ZMYM2: variants seen among roughly 807,000 people sequenced by gnomAD.
ZMYM2 encodes the protein zinc finger MYM-type protein 2.
Under a neutral mutation model 162.8 loss-of-function variants are expected in ZMYM2, and 56 were observed. That is an observed-to-expected ratio of 0.34 (90% confidence interval 0.28 to 0.43). The LOEUF is 0.43. ZMYM2 is among the 20% of genes least tolerant of loss of function. The probability of loss-of-function intolerance (pLI) is 1.00; values close to 1 mark genes in which losing one functional copy is unlikely to be tolerated. For synonymous variants in ZMYM2, 510 were observed against 541.6 expected (o/e 0.94, Z 0.81); for missense variants, 1,275 against 1,621.8 (o/e 0.79, Z 3.67).
the ZMYM2 span, among the ~76,000 whole-genome samples, chr13:19,897,451 G>C: frequency 6.6e-6 from 1 of 151,966 alleles, no homozygotes; most frequent in South Asian, 2.1e-4. Context: ...CATGTCCCTC[G>C]TGCCTGCTGG....
At chr13:20,002,723 A>G (rs1289626909) in intron 3 of ZMYM2, 127 bp from the exon 4 acceptor site, 3 of 1,184,176 alleles carry the variant, frequency 2.5e-6, no homozygotes, top group Admixed American at 5.0e-5. Flanking sequence ...CCTCTCTGCT[A>G]TGTTGCTGTT....
Position 20,088,149 on chromosome 13 carries a change from T to C in ZMYM2, c.*2135T>C, listed in dbSNP as rs145113739. On this transcript the variant is annotated 3_prime_UTR_variant, in exon 25 of 25. Transcript: ENST00000610343. ...CTACATAATTTTGATCTTGACATGA[T>C]TGAGGATTTAGAGCTCTTGTCTTTG... 5.4e-4 allele frequency: 110 copies of C among 204,440 alleles called. No individual in the cohort carries two copies. The highest frequency in any genetic ancestry group is 2.4e-3 in the African/African-American group (105 of 43,952). 12.7% of individuals were successfully genotyped at this position (204,440 alleles called of 1,614,324 possible).
At chr13:19,896,902 G>A in the ZMYM2 span, among the ~76,000 whole-genome samples, 5 of 148,812 alleles carry the variant, frequency 3.4e-5, no homozygotes, top group Non-Finnish European at 7.4e-5. Context: ...GTGAAACCAC[G>A]TCTCTACTAA....
intron 2 of ZMYM2, among the ~76,000 whole-genome samples, chr13:19,988,239 T>C (rs1949334959): frequency 6.6e-6 from 1 of 152,234 alleles, no homozygotes; most frequent in Non-Finnish European, 1.5e-5. Flanking sequence ...TTTTCTTACT[T>C]TGTTGAGTGG....
chr13:20,074,890 A>C (rs1957377226), intron 21 of ZMYM2, among the ~76,000 whole-genome samples: 1 of 152,186 alleles, frequency 6.6e-6, no homozygotes, highest in Non-Finnish European at 1.5e-5. Context: ...CTTTATCAAA[A>C]AGTTGTTTTA....
chr13:19,867,946 A>C, the ZMYM2 span, among the ~76,000 whole-genome samples: 1 of 152,184 alleles, frequency 6.6e-6, no homozygotes, highest in Non-Finnish European at 1.5e-5. Context: ...TTTATCTAAG[A>C]CTGCTGAGAT....
Position 20,086,191 on chromosome 13 carries a change from T to A in ZMYM2, c.*177T>A. 1 of 505,930 alleles carries A rather than the reference T, an allele frequency of 2.0e-6. No individual in the cohort carries two copies. Among genetic ancestry groups the A allele is most frequent in the Non-Finnish European group, 3.4e-6 (1 of 297,150 alleles). The allele number at this position is 505,930 out of a possible 1,614,324, so 31.3% of individuals were successfully genotyped here. On this transcript the variant is annotated 3_prime_UTR_variant, in exon 25 of 25. Transcript: ENST00000610343. ...GAGTGAAAGTTGCCATTATTCTATG[T>A]AGTGGTTTTAGGATACTTAACAAAT...
At position 20,061,177 on chromosome 13, in the gene ZMYM2, A is replaced by G. The variant is rs759701059; in HGVS notation, c.2864A>G (p.Asp955Gly). ...GATACAGAGTTGCTTACAATGACGGATATGATGAGTGAAGACGAGGGGAAA... is the reference window on the plus strand; with the variant it reads ...GATACAGAGTTGCTTACAATGACGGGTATGATGAGTGAAGACGAGGGGAAA... ...ALDTELLTMT[D>G]MMSEDEGKTE... Residue 955 changes from aspartate (D) to glycine (G), a missense_variant, in exon 17 of 25, where the codon GAT becomes GGT. By Grantham distance (94) the Asp-to-Gly change is moderately conservative. Transcript: ENST00000610343. 2.5e-6 allele frequency: 4 copies of G among 1,613,844 alleles called. No homozygotes were observed. The highest frequency in any genetic ancestry group is 2.2e-5 in the South Asian group (2 of 91,028).
intron 2 of ZMYM2, among the ~76,000 whole-genome samples, chr13:19,988,921 C>T (rs1949390369): frequency 6.6e-6 from 1 of 152,188 alleles, no homozygotes; most frequent in South Asian, 2.1e-4. Context: ...AACTGTATAT[C>T]ATCTTCCGCT....
chr13:20,048,434 A>G (rs1334827339), intron 12 of ZMYM2, among the ~76,000 whole-genome samples: 2 of 151,874 alleles, frequency 1.3e-5, no homozygotes, highest in African/African-American at 4.8e-5. Flanking sequence ...TTCTTTTTTA[A>G]AAAAAATTTG....
chr13:20,048,879 A>C (rs1955061040), intron 12 of ZMYM2, among the ~76,000 whole-genome samples: 1 of 151,302 alleles, frequency 6.6e-6, no homozygotes, highest in Non-Finnish European at 1.5e-5. Context: ...CACAAAATAG[A>C]TGATGCAGTA....
At chr13:19,920,658 C>T in the ZMYM2 span, among the ~76,000 whole-genome samples, 23 of 152,030 alleles carry the variant, frequency 1.5e-4, no homozygotes, top group African/African-American at 5.5e-4. Context: ...AAAAAGACCA[C>T]ATGCCTAGGG....
intron 9 of ZMYM2, among the ~76,000 whole-genome samples, chr13:20,029,245 G>A (rs781458385): frequency 6.6e-6 from 1 of 152,208 alleles, no homozygotes; most frequent in Non-Finnish European, 1.5e-5. Context: ...CTCACATGGT[G>A]AAGGTAGCGA....
At chr13:20,078,594 A>G (rs1392690889) in intron 21 of ZMYM2, among the ~76,000 whole-genome samples, 1 of 152,180 alleles carries the variant, frequency 6.6e-6, no homozygotes, top group Non-Finnish European at 1.5e-5. Flanking sequence ...TACTAGTACC[A>G]TAATTTCTGT....
chr13:19,969,102 C>T (rs1382598370), intron 2 of ZMYM2, among the ~76,000 whole-genome samples: 1 of 152,128 alleles, frequency 6.6e-6, no homozygotes, highest in Non-Finnish European at 1.5e-5. Flanking sequence ...CCTTGAGACC[C>T]AGTGTTTAAA....
rs1480283569 is a variant in ZMYM2, at chr13:20,079,281, G to T, written c.3454-2735G>T. 5.1e-5 allele frequency among the ~76,000 whole-genome samples: 6 copies of T among 117,884 alleles called. No individual in the cohort carries two copies. In the East Asian group the frequency reaches 1.6e-3, roughly 32 times the overall value. 77.3% of individuals were successfully genotyped at this position (117,884 alleles called of 152,430 possible). On this transcript the variant is annotated intron_variant, in intron 21 of 24. Coordinates refer to ENST00000610343, the MANE Select transcript of ZMYM2 (RefSeq NM_197968.4). ...TTGCATGAGCCGGGATTGCGCCACT[G>T]CATTCCAGCCTGGCAACAGAGTAAG...
chr13:20,063,831 T>A lies in ZMYM2; in HGVS notation c.3038-620T>A, dbSNP rs7490499. ...TAATATATATAATACATAAATATAA[T>A]TTTATATATTATATACATCATGATG... On this transcript the variant is annotated intron_variant, in intron 18 of 24. Transcript: ENST00000610343. 6.9e-3 allele frequency among the ~76,000 whole-genome samples: 909 copies of A among 132,432 alleles called. 5 individuals carry two copies. The highest frequency in any genetic ancestry group is 0.037 in the Middle Eastern group (9 of 246). The allele number at this position is 132,432 out of a possible 152,430, so 86.9% of individuals were successfully genotyped here.
chr13:20,028,193 A>G (rs1341904901), intron 9 of ZMYM2: 1 of 159,398 alleles, frequency 6.3e-6, no homozygotes, highest in Non-Finnish European at 1.4e-5. Context: ...TTTTGTTAAT[A>G]GTAATATTCT....
intron 7 of ZMYM2, among the ~76,000 whole-genome samples, chr13:20,020,525 A>AT (rs1320490709): frequency 6.6e-6 from 1 of 151,924 alleles, no homozygotes; most frequent in Non-Finnish European, 1.5e-5. Flanking sequence ...CGCCCGGCCC[A>AT]TTATTTCTTT....
Sources: gnomAD v4.1 joint callset for allele counts (sites outside exome capture counted in the v4.1 genomes callset) on GRCh38, gnomAD v4.1.1 for gene constraint, MANE v1.5 for transcripts, NCBI Gene and HGNC (gene_info 2026-07-23, HGNC 2026-07-21) for gene names.